Variants in HTR2C observed in about 807,000 individuals in gnomAD.
HTR2C encodes the protein 5-hydroxytryptamine (serotonin) receptor 2C, G protein-coupled.
A neutral mutation model predicts 21.0 loss-of-function variants in HTR2C; 5 were observed. The ratio of observed to expected loss-of-function variants is 0.24; its 90% CI spans 0.12 to 0.50. The LOEUF (loss-of-function observed/expected upper bound fraction) is 0.50, where lower values mean the gene tolerates loss of function less well. Ranked by LOEUF, HTR2C falls within the 20% of genes least tolerant of loss-of-function variation. The probability of loss-of-function intolerance (pLI) is 0.98; values close to 1 mark genes in which losing one functional copy is unlikely to be tolerated. For missense variants in HTR2C, 271 were observed against 371.2 expected, an observed-to-expected ratio of 0.73 and a Z score of 2.22; for synonymous variants, 150 against 145.3, an observed-to-expected ratio of 1.03 and a Z score of -0.23.
chrX:114,677,282 G>C (rs1556412902), intron 2 of HTR2C, among the ~76,000 whole-genome samples: 1 of 111,311 alleles, frequency 9.0e-6, no homozygotes, highest in Non-Finnish European at 1.9e-5. Context: ...TAAGAGTCTG[G>C]AAGCAAGGAA....
intron 5 of HTR2C, chrX:114,900,355 A>T: frequency 4.0e-6 from 1 of 251,688 alleles, no homozygotes; most frequent in African/African-American, 2.9e-5. Flanking sequence ...ATATTCATCT[A>T]AAACTTCTGA....
intron 5 of HTR2C, among the ~76,000 whole-genome samples, chrX:114,877,150 A>G (rs1044856916): frequency 9.0e-6 from 1 of 110,868 alleles, no homozygotes; most frequent in Non-Finnish European, 1.9e-5. Flanking sequence ...CAGATTTCCT[A>G]TTTCTTTAAG....
intron 4 of HTR2C, among the ~76,000 whole-genome samples, chrX:114,798,969 A>G (rs1166936176): frequency 9.1e-6 from 1 of 110,349 alleles, no homozygotes; most frequent in African/African-American, 3.3e-5. Flanking sequence ...ACACACATAT[A>G]TATGTACACT....
intron 4 of HTR2C, among the ~76,000 whole-genome samples, chrX:114,843,166 T>G (rs1194885573): frequency 2.7e-5 from 3 of 111,862 alleles, no homozygotes; most frequent in Non-Finnish European, 5.6e-5. Context: ...AGACAAAGAC[T>G]TTACATCAAC....
chrX:114,790,558 A>G (rs2070220886), intron 4 of HTR2C, among the ~76,000 whole-genome samples: 1 of 111,908 alleles, frequency 8.9e-6, no homozygotes, highest in Non-Finnish European at 1.9e-5. Flanking sequence ...ATGGGAATTC[A>G]TTGTAATAGG....
intron 5 of HTR2C, among the ~76,000 whole-genome samples, chrX:114,855,102 G>T (rs1307349547): frequency 9.0e-6 from 1 of 111,123 alleles, no homozygotes; most frequent in African/African-American, 3.3e-5. Flanking sequence ...AATTTGCTGT[G>T]GTTCAGATAA....
chrX:114,701,749 G>A (rs1378022223), intron 2 of HTR2C, among the ~76,000 whole-genome samples: 2 of 112,036 alleles, frequency 1.8e-5, no homozygotes, highest in Non-Finnish European at 3.8e-5. Context: ...GGCTTCAGAC[G>A]ATCAAACTAC....
At chrX:114,886,502 T>C (rs1331850003) in intron 5 of HTR2C, among the ~76,000 whole-genome samples, 1 of 110,880 alleles carries the variant, frequency 9.0e-6, no homozygotes, top group African/African-American at 3.3e-5. Context: ...TATTTCTTTC[T>C]AGTTATTTCT....
chrX:114,779,863 G>A (rs1306601444), intron 4 of HTR2C, among the ~76,000 whole-genome samples: 1 of 108,343 alleles, frequency 9.2e-6, no homozygotes, highest in African/African-American at 3.3e-5. Context: ...GTTTTTGGAG[G>A]TAACACTATC....
At chrX:114,586,659 C>A (rs1234041042) in intron 1 of HTR2C, among the ~76,000 whole-genome samples, 1 of 110,917 alleles carries the variant, frequency 9.0e-6, no homozygotes, top group Non-Finnish European at 1.9e-5. Context: ...CTAGAGGTGT[C>A]ATGGATGACA....
rs1556487460 is a variant in HTR2C, at chrX:114,907,501, A to G, written c.*86A>G. ...TTAATTTTTCTGTTGGTCTTAACTA[A>G]TGTAAATATTGCTGTCTGAAAAAGT... On this transcript the variant is annotated 3_prime_UTR_variant, in exon 6 of 6. Transcript: ENST00000276198. 4 of 679,937 alleles carry G rather than the reference A, an allele frequency of 5.9e-6. No homozygotes were observed. The African/African-American group carries it at 8.7e-5, about 15-fold the overall frequency. 56.0% of individuals were successfully genotyped at this position (679,937 alleles called of 1,213,427 possible).
intron 5 of HTR2C, among the ~76,000 whole-genome samples, chrX:114,858,753 CTT>C (rs782713249): frequency 9.5e-6 from 1 of 105,008 alleles, no homozygotes; most frequent in African/African-American, 3.4e-5. Flanking sequence ...TAGTAGACAT[CTT>C]TTTTTTTTAG....
intron 4 of HTR2C, among the ~76,000 whole-genome samples, chrX:114,795,839 G>T (rs2070287321): frequency 9.0e-6 from 1 of 111,144 alleles, no homozygotes; most frequent in African/African-American, 3.3e-5. Context: ...AGGCTATCCT[G>T]GATCTACGTC....
chrX:114,776,160 C>A, intron 4 of HTR2C: 1 of 539,728 alleles, frequency 1.9e-6, no homozygotes, highest in Admixed American at 2.3e-5. Context: ...ATTGACACAT[C>A]AAAAGTGCCA....
intron 2 of HTR2C, among the ~76,000 whole-genome samples, chrX:114,635,747 C>T (rs1463185267): frequency 9.0e-6 from 1 of 111,637 alleles, no homozygotes; most frequent in Non-Finnish European, 1.9e-5. Context: ...CCAATACCTC[C>T]AATGATATTG....
At chrX:114,671,399 A>G (rs1931374911) in intron 2 of HTR2C, among the ~76,000 whole-genome samples, 1 of 112,270 alleles carries the variant, frequency 8.9e-6, no homozygotes, top group Non-Finnish European at 1.9e-5. Context: ...GAAAATTATT[A>G]TTAATCTCAA....
intron 2 of HTR2C, among the ~76,000 whole-genome samples, chrX:114,725,544 TTC>T (rs1179054181): frequency 1.8e-5 from 2 of 112,605 alleles, no homozygotes; most frequent in African/African-American, 6.5e-5. Context: ...TCCAGCTTTC[TTC>T]CATTGCTGGT....
At chrX:114,803,760 T>G (rs987793209) in intron 4 of HTR2C, among the ~76,000 whole-genome samples, 2 of 110,016 alleles carry the variant, frequency 1.8e-5, no homozygotes, top group Non-Finnish European at 3.8e-5. Flanking sequence ...GTCAATTTTG[T>G]CTTTTGTTTC....
intron 2 of HTR2C, among the ~76,000 whole-genome samples, chrX:114,723,021 T>C (rs1933289110): frequency 9.0e-6 from 1 of 111,722 alleles, no homozygotes; most frequent in African/African-American, 3.3e-5. Context: ...AGGATGATGC[T>C]GGCCTCATCA....
Sources: gnomAD v4.1 joint callset for allele counts (sites outside exome capture counted in the v4.1 genomes callset) on GRCh38, gnomAD v4.1.1 for gene constraint, MANE v1.5 for transcripts, NCBI Gene and HGNC (gene_info 2026-07-23, HGNC 2026-07-21) for gene names.